Variants in GABRB3 observed in about 807,000 individuals in gnomAD.
GABRB3 encodes gamma-aminobutyric acid receptor subunit beta-3.
GABRB3 carries 14 observed loss-of-function variants against 52.1 expected under a neutral mutation model. That is an observed-to-expected ratio of 0.27 (90% confidence interval 0.18 to 0.42). The LOEUF (loss-of-function observed/expected upper bound fraction) is 0.42, where lower values mean the gene tolerates loss of function less well. GABRB3 is among the 10% of genes least tolerant of loss of function. GABRB3 has a pLI of 1.00. For missense variants in GABRB3, 307 were observed against 609.1 expected (o/e 0.50, Z 5.22); for synonymous variants, 260 against 232.3 (o/e 1.12, Z -1.08).
chr15:26,581,859 G>C (rs1267349601), intron 5 of GABRB3, among the ~76,000 whole-genome samples: 2 of 152,160 alleles, frequency 1.3e-5, no homozygotes, highest in Non-Finnish European at 2.9e-5. Context: ...TGGTCTAATG[G>C]CTTCCTGTCT....
At chr15:26,675,664 T>C (rs556457727) in intron 3 of GABRB3, among the ~76,000 whole-genome samples, 10 of 152,186 alleles carry the variant, frequency 6.6e-5, no homozygotes, top group Admixed American at 5.9e-4. Flanking sequence ...GGTGGGAATT[T>C]ATGGCAAAAG....
chr15:26,737,098 T>C (rs1010439852), intron 3 of GABRB3, among the ~76,000 whole-genome samples: 1 of 152,194 alleles, frequency 6.6e-6, no homozygotes, highest in Non-Finnish European at 1.5e-5. Context: ...TCTAGGTCTG[T>C]TCCAGAGAAC....
At chr15:26,624,993 GC>G in intron 3 of GABRB3, 1 of 982,438 alleles carries the variant, frequency 1.0e-6, no homozygotes, top group Non-Finnish European at 1.2e-6. Flanking sequence ...TAACTAGGAG[GC>G]AGGTATTATA....
intron 3 of GABRB3, chr15:26,642,421 A>G: frequency 8.1e-7 from 1 of 1,230,710 alleles, no homozygotes; most frequent in Non-Finnish European, 1.1e-6. Flanking sequence ...GTGTATATAT[A>G]TGTATACATA....
At chr15:26,628,792 GA>G (rs1438470315) in intron 3 of GABRB3, among the ~76,000 whole-genome samples, 2 of 152,184 alleles carry the variant, frequency 1.3e-5, no homozygotes, top group Non-Finnish European at 2.9e-5. Context: ...CTAGGTTGGT[GA>G]CCCCCCCAGG....
chr15:26,543,917 A>G lies in GABRB3; in HGVS notation c.*3876T>C, dbSNP rs1889125169. On this transcript the variant is annotated 3_prime_UTR_variant, in exon 9 of 9. Transcript: ENST00000311550. ...TTTACCCAGGTGTTGGGAATTTAGT[A>G]TTTCAGGAAAACATGGCGCCTTTCA... The G allele has an allele frequency of 6.6e-6, 1 of 152,594 alleles. No individual in the cohort carries two copies. Among genetic ancestry groups the G allele is most frequent in the East Asian group, 1.9e-4 (1 of 5,182 alleles). 9.5% of individuals were successfully genotyped at this position (152,594 alleles called of 1,614,324 possible). A position where few individuals can be genotyped will look rare whatever the true frequency, so the allele number is the denominator to read the frequency against.
At chr15:26,732,679 T>C (rs530697319) in intron 3 of GABRB3, among the ~76,000 whole-genome samples, 1 of 151,018 alleles carries the variant, frequency 6.6e-6, no homozygotes, top group African/African-American at 2.4e-5. Flanking sequence ...GCAATTCCCC[T>C]GCCTCAGCCC....
At chr15:26,736,183 A>G (rs1474994651) in intron 3 of GABRB3, among the ~76,000 whole-genome samples, 1 of 152,258 alleles carries the variant, frequency 6.6e-6, no homozygotes, top group Non-Finnish European at 1.5e-5. Context: ...GTGCAAATGC[A>G]TTTAATGCAA....
intron 3 of GABRB3, among the ~76,000 whole-genome samples, chr15:26,725,632 C>T (rs1327515622): frequency 6.6e-6 from 1 of 152,090 alleles, no homozygotes; most frequent in Admixed American, 6.6e-5. Flanking sequence ...TTGACTATCC[C>T]TTATTCAAAA....
intron 3 of GABRB3, among the ~76,000 whole-genome samples, chr15:26,707,268 G>C (rs1455803419): frequency 6.6e-6 from 1 of 152,162 alleles, no homozygotes; most frequent in Non-Finnish European, 1.5e-5. Flanking sequence ...TGGAAGTTGT[G>C]AGGTAAGACC....
At chr15:26,563,355 G>T (rs1890056223) in intron 7 of GABRB3, among the ~76,000 whole-genome samples, 1 of 152,242 alleles carries the variant, frequency 6.6e-6, no homozygotes. Context: ...ATTTCACAGT[G>T]AGTACTTCAG....
intron 4 of GABRB3, among the ~76,000 whole-genome samples, chr15:26,597,520 G>A (rs1262989224): frequency 1.3e-5 from 2 of 152,184 alleles, no homozygotes; most frequent in Non-Finnish European, 2.9e-5. Context: ...CACATTTCCT[G>A]TTGCACACAC....
chr15:26,596,744 G>C (rs563257961), intron 4 of GABRB3, among the ~76,000 whole-genome samples: 1 of 152,254 alleles, frequency 6.6e-6, no homozygotes, highest in African/African-American at 2.4e-5. Context: ...TTAAAAGACT[G>C]TATATGGTAT....
At chr15:26,740,790 C>T (rs1890184749) in intron 3 of GABRB3, among the ~76,000 whole-genome samples, 1 of 152,128 alleles carries the variant, frequency 6.6e-6, no homozygotes, top group South Asian at 2.1e-4. Flanking sequence ...ACAGCCTTGG[C>T]CACTCCTGCT....
At chr15:26,706,114 A>G (rs556569214) in intron 3 of GABRB3, among the ~76,000 whole-genome samples, 1 of 152,334 alleles carries the variant, frequency 6.6e-6, no homozygotes, top group East Asian at 1.9e-4. Flanking sequence ...TTATGCCTCA[A>G]AAAACTAAAC....
At chr15:26,576,341 T>C (rs1890590955) in intron 6 of GABRB3, among the ~76,000 whole-genome samples, 1 of 152,172 alleles carries the variant, frequency 6.6e-6, no homozygotes, top group African/African-American at 2.4e-5. Context: ...TTCAGAAAAA[T>C]ACAGAATTTC....
chr15:26,693,770 G>GA (rs1888656379), intron 3 of GABRB3, among the ~76,000 whole-genome samples: 1 of 151,678 alleles, frequency 6.6e-6, no homozygotes, highest in African/African-American at 2.4e-5. Flanking sequence ...GCAACTGTTG[G>GA]GAAAACATAC....
chr15:26,746,582 G>GT (rs34645426), intron 3 of GABRB3, among the ~76,000 whole-genome samples: 1,715 of 125,988 alleles, frequency 0.014, 35 homozygotes, highest in African/African-American at 0.048. Flanking sequence ...TCCGTTTTTT[G>GT]TTTTTTTTTT....
intron 3 of GABRB3, among the ~76,000 whole-genome samples, chr15:26,634,987 T>A (rs1296598553): frequency 2.3e-4 from 1 of 4,418 alleles, no homozygotes; most frequent in Non-Finnish European, 5.2e-3. Flanking sequence ...TATCTCTAAA[T>A]ATATATATAT....
Sources: gnomAD v4.1 joint callset for allele counts (sites outside exome capture counted in the v4.1 genomes callset) on GRCh38, gnomAD v4.1.1 for gene constraint, MANE v1.5 for transcripts, NCBI Gene and HGNC (gene_info 2026-07-23, HGNC 2026-07-21) for gene names.